SMG6: variants seen among roughly 807,000 people sequenced by gnomAD.
SMG6 encodes the protein telomerase-binding protein EST1A.
SMG6 carries 66 observed loss-of-function variants against 142.2 expected under a neutral mutation model. That is an observed-to-expected ratio of 0.46 (90% CI 0.38 to 0.57). The LOEUF (loss-of-function observed/expected upper bound fraction) is 0.57. Ranked by LOEUF, SMG6 falls within the 20% of genes least tolerant of loss-of-function variation. The probability of loss-of-function intolerance (pLI) is 0.00; values close to 1 mark genes in which losing one functional copy is unlikely to be tolerated. For missense variants in SMG6, 1,793 were observed against 1,832.0 expected (o/e 0.98, Z 0.39); for synonymous variants, 779 against 702.4 (o/e 1.11, Z -1.72).
At chr17:2,168,972 T>C (rs1454841949) in intron 13 of SMG6, among the ~76,000 whole-genome samples, 1 of 151,452 alleles carries the variant, frequency 6.6e-6, no homozygotes, top group Admixed American at 6.6e-5. Context: ...GGTCTCAGAC[T>C]CCTGACCTCG....
intron 17 of SMG6, 98 bp from the exon 18 acceptor site, chr17:2,065,252 C>T: frequency 8.8e-7 from 1 of 1,131,396 alleles, no homozygotes; most frequent in Non-Finnish European, 1.3e-6. Context: ...TGGGCAGGGC[C>T]ACCTCCCCGA....
intron 13 of SMG6, chr17:2,087,564 G>A (rs2068598842): frequency 2.0e-6 from 2 of 1,008,062 alleles, no homozygotes; most frequent in South Asian, 7.9e-5. Context: ...CTACCCAGAA[G>A]GGCTTAGAAA....
At chr17:2,176,699 G>T (rs931836604) in intron 12 of SMG6, among the ~76,000 whole-genome samples, 3 of 152,138 alleles carry the variant, frequency 2.0e-5, no homozygotes, top group African/African-American at 7.2e-5. Flanking sequence ...ATCAGCAGTT[G>T]CAAGGTGACC....
intron 13 of SMG6, among the ~76,000 whole-genome samples, chr17:2,105,898 C>T (rs1047365914): frequency 2.0e-5 from 3 of 152,168 alleles, no homozygotes; most frequent in East Asian, 1.9e-4. Context: ...TGCACCACAG[C>T]CTTGAACTTT....
At chr17:2,073,708 CAAAAA>C (rs1309950009) in intron 15 of SMG6, among the ~76,000 whole-genome samples, 1 of 70,274 alleles carries the variant, frequency 1.4e-5, no homozygotes, top group Non-Finnish European at 2.6e-5. Context: ...GACTCCGTCT[CAAAAA>C]AAAAAAAAAA....
At chr17:2,065,850 G>C (rs754351631) in intron 16 of SMG6, among the ~76,000 whole-genome samples, 171 bp from the exon 17 acceptor site, 14 of 152,246 alleles carry the variant, frequency 9.2e-5, no homozygotes, top group Non-Finnish European at 1.8e-4. Flanking sequence ...GGCAAGAAGT[G>C]TCTCGAGATT....
At chr17:2,174,804 C>T (rs986638737) in intron 12 of SMG6, among the ~76,000 whole-genome samples, 10 of 152,182 alleles carry the variant, frequency 6.6e-5, no homozygotes, top group East Asian at 1.9e-4. Flanking sequence ...AGTTGCAACA[C>T]GTTTCTGTGC....
At chr17:2,265,546 T>C (rs216178) in intron 8 of SMG6, among the ~76,000 whole-genome samples, 86,950 of 151,704 alleles carry the variant, frequency 0.57, 26,192 homozygotes, top group East Asian at 0.75. Context: ...GGCGATAACA[T>C]TCTCATTAAC....
At chr17:2,069,211 G>C (rs2068031059) in intron 15 of SMG6, among the ~76,000 whole-genome samples, 1 of 152,174 alleles carries the variant, frequency 6.6e-6, no homozygotes. Flanking sequence ...GTCTCTCAAA[G>C]TAAGACTGGG....
chr17:2,227,221 T>C (rs1186812615), intron 10 of SMG6, among the ~76,000 whole-genome samples: 1 of 152,220 alleles, frequency 6.6e-6, no homozygotes, highest in East Asian at 1.9e-4. Context: ...AGTCCATTCC[T>C]AGGTACTTAC....
chr17:2,266,663 G>C (rs911519394), intron 8 of SMG6, among the ~76,000 whole-genome samples: 2 of 152,140 alleles, frequency 1.3e-5, no homozygotes, highest in Non-Finnish European at 2.9e-5. Context: ...TCTGTTAGAG[G>C]AAAGAAACCA....
rs372032829 is a variant in SMG6 at position 2,081,973 on chromosome 17, C to T, written c.3535-17G>A. On this transcript the variant is annotated splice_polypyrimidine_tract_variant and intron_variant, in intron 14 of 18. Coordinates refer to ENST00000263073, the MANE Select transcript of SMG6 (RefSeq NM_017575.5). ...ATCCTCCTCCTTTGGGTGGTGGAGC[C>T]GACCAGGACAAAGAGGAGACAGTTA... The T allele has an allele frequency of 2.1e-4, 332 of 1,613,780 alleles. No homozygotes were observed. Among genetic ancestry groups the T allele is most frequent in the Non-Finnish European group, 2.6e-4 (310 of 1,179,928 alleles).
intron 10 of SMG6, among the ~76,000 whole-genome samples, chr17:2,224,643 G>C (rs907272704): frequency 6.6e-6 from 1 of 151,428 alleles, no homozygotes; most frequent in Non-Finnish European, 1.5e-5. Context: ...CAGGGTCACA[G>C]AAGGAGAAGA....
At chr17:2,094,184 G>A (rs1216008593) in intron 13 of SMG6, among the ~76,000 whole-genome samples, 1 of 152,212 alleles carries the variant, frequency 6.6e-6, no homozygotes, top group African/African-American at 2.4e-5. Context: ...GGTACGGGCG[G>A]TGGCTCTGCC....
In SMG6 at chr17:2,303,468, C is replaced by A. The variant is rs898439403; in HGVS notation, c.88+165G>T. 17 of 1,320,312 alleles carry A rather than the reference C, an allele frequency of 1.3e-5. No homozygotes were observed. In the African/African-American group the frequency reaches 2.6e-4, roughly 20 times the overall value. The allele number at this position is 1,320,312 out of a possible 1,614,324, so 81.8% of individuals were successfully genotyped here. On this transcript the variant is annotated intron_variant, in intron 1 of 18. Transcript: ENST00000263073. Reference sequence around the variant, plus strand: ...GGCCGAGCCCGACCCCGCACTAACCCGCGAGAGAGGTAGGGCAGCGAGGGT... The same window carrying A: ...GGCCGAGCCCGACCCCGCACTAACCAGCGAGAGAGGTAGGGCAGCGAGGGT...
intron 8 of SMG6, among the ~76,000 whole-genome samples, chr17:2,273,315 C>T (rs1475472002): frequency 2.0e-5 from 3 of 152,098 alleles, no homozygotes; most frequent in African/African-American, 7.2e-5. Context: ...CAGGAGTTCA[C>T]GACCTGCCTG....
intron 12 of SMG6, among the ~76,000 whole-genome samples, chr17:2,178,066 G>C (rs1193186169): frequency 6.6e-6 from 1 of 152,190 alleles, no homozygotes; most frequent in African/African-American, 2.4e-5. Context: ...GTGTGGCAGA[G>C]TTAAAAGAAT....
chr17:2,139,587 A>T (rs778362881), intron 13 of SMG6, among the ~76,000 whole-genome samples: 1 of 150,958 alleles, frequency 6.6e-6, no homozygotes, highest in Non-Finnish European at 1.5e-5. Context: ...ATGCCTGGCT[A>T]ATTTTGTATT....
chr17:2,252,431 C>T (rs986587506), intron 8 of SMG6, among the ~76,000 whole-genome samples: 5 of 151,736 alleles, frequency 3.3e-5, no homozygotes, highest in African/African-American at 1.2e-4. Flanking sequence ...GAAGGAGCCA[C>T]GAATATGTTC....
Sources: gnomAD v4.1 joint callset for allele counts (sites outside exome capture counted in the v4.1 genomes callset) on GRCh38, gnomAD v4.1.1 for gene constraint, MANE v1.5 for transcripts, NCBI Gene and HGNC (gene_info 2026-07-23, HGNC 2026-07-21) for gene names.